Variants in PPP6R3 observed in about 807,000 individuals in gnomAD.
PPP6R3 encodes the protein serine/threonine-protein phosphatase 6 regulatory subunit 3.
A neutral mutation model predicts 110.7 loss-of-function variants in PPP6R3; 38 were observed. That is an observed-to-expected ratio of 0.34 (90% CI 0.26 to 0.45). The LOEUF is 0.45. Among genes scored for constraint, PPP6R3 ranks in the 20% least tolerant of loss-of-function variants. The pLI, the probability that PPP6R3 is intolerant of heterozygous loss-of-function variation, is 1.00. For synonymous variants in PPP6R3, 369 were observed against 373.5 expected (o/e 0.99, Z 0.14); for missense variants, 870 against 1,062.4 (o/e 0.82, Z 2.52).
At chr11:68,543,876 C>T (rs973166853) in intron 3 of PPP6R3, among the ~76,000 whole-genome samples, 15 of 152,154 alleles carry the variant, frequency 9.9e-5, no homozygotes, top group African/African-American at 3.6e-4. Flanking sequence ...AATGGACCTG[C>T]TGCCTGTTTG....
intron 11 of PPP6R3, among the ~76,000 whole-genome samples, chr11:68,570,317 G>GT (rs2099498568): frequency 6.6e-6 from 1 of 152,216 alleles, no homozygotes. Flanking sequence ...TCTTCCTGGG[G>GT]TCTCTTTTTC....
Position 68,548,175 on chromosome 11 carries a change from C to G in PPP6R3, c.523C>G (p.Pro175Ala). Reference sequence around the variant, plus strand: ...GCTCAGGCTCCTGACGTGTATCGAACCTCCACAGCCCAGGCAAGATGTGCT... The same window carrying G: ...GCTCAGGCTCCTGACGTGTATCGAAGCTCCACAGCCCAGGCAAGATGTGCT... ...LLLRLLTCIEPPQPRQDVLNW... is the reference protein window; with the variant it reads ...LLLRLLTCIEAPQPRQDVLNW... Residue 175 changes from proline to alanine, a missense_variant, in exon 5 of 24, where the codon CCT (proline) becomes GCT (alanine). Pro to Ala is a conservative substitution (Grantham distance 27, BLOSUM62 -1). Coordinates refer to ENST00000393800, the MANE Select transcript of PPP6R3 (RefSeq NM_001164161.2). 1.2e-6 allele frequency: 2 copies of G among 1,614,184 alleles called. No individual in the cohort carries two copies. Among genetic ancestry groups the G allele is most frequent in the East Asian group, 2.2e-5 (1 of 44,884 alleles).
At chr11:68,563,235 T>G (rs1473883520) in intron 8 of PPP6R3, among the ~76,000 whole-genome samples, 9 of 152,186 alleles carry the variant, frequency 5.9e-5, no homozygotes. Flanking sequence ...CTCACAGTTC[T>G]GAGTCCTAGA....
At chr11:68,565,937 C>G (rs951267437) in intron 9 of PPP6R3, among the ~76,000 whole-genome samples, 2 of 152,072 alleles carry the variant, frequency 1.3e-5, no homozygotes, top group Admixed American at 6.5e-5. Flanking sequence ...GGATGGGAGC[C>G]AGAGGGAGTG....
chr11:68,606,472 T>C (rs1404397774), intron 22 of PPP6R3, among the ~76,000 whole-genome samples: 1 of 145,040 alleles, frequency 6.9e-6, no homozygotes, highest in Non-Finnish European at 1.5e-5. Context: ...TCAGCAAATT[T>C]ATGTAGTTTT....
intron 1 of PPP6R3, among the ~76,000 whole-genome samples, chr11:68,478,541 G>A (rs948626289): frequency 1.3e-5 from 2 of 150,206 alleles, no homozygotes; most frequent in African/African-American, 4.9e-5. Flanking sequence ...TTACTTTCAA[G>A]CTCTTTTGTG....
At chr11:68,573,114 T>TTATATACATATATA (rs2099514577) in intron 12 of PPP6R3, among the ~76,000 whole-genome samples, 1 of 61,796 alleles carries the variant, frequency 1.6e-5, no homozygotes, top group Non-Finnish European at 2.7e-5. Flanking sequence ...TTTACTTATT[T>TTATATACATATATA]TATATATATA....
rs891777357 is a variant in PPP6R3 at position 68,615,328 on chromosome 11, C to G, written c.*2211C>G. 8.5e-6 allele frequency: 3 copies of G among 353,528 alleles called. No homozygotes were observed. In the Admixed American group the frequency reaches 1.1e-4, roughly 13 times the overall value. The allele number at this position is 353,528 out of a possible 1,614,324, so 21.9% of individuals were successfully genotyped here. On this transcript the variant is annotated 3_prime_UTR_variant, in exon 24 of 24. Coordinates refer to ENST00000393800, the MANE Select transcript of PPP6R3 (RefSeq NM_001164161.2). Reference sequence around the variant, plus strand: ...AAAAATAAAGCCTGATTCTTTGTTTCTAGAAATCTCTTGTACCTTGCTTGG... The same window carrying G: ...AAAAATAAAGCCTGATTCTTTGTTTGTAGAAATCTCTTGTACCTTGCTTGG...
At chr11:68,587,812 T>A in intron 15 of PPP6R3, 115 bp from the exon 16 acceptor site, 1 of 937,286 alleles carries the variant, frequency 1.1e-6, no homozygotes. Flanking sequence ...ACACACCAAC[T>A]TTTATAGCCC....
rs530384849 is a variant in PPP6R3 at position 68,503,829 on chromosome 11, A to G, written c.-157-15672A>G. Among the ~76,000 whole-genome samples the G allele has an allele frequency of 5.3e-5, 8 of 152,366 alleles. No individual in the cohort carries two copies. In the East Asian group the frequency reaches 1.5e-3, roughly 29 times the overall value. On this transcript the variant is annotated intron_variant, in intron 1 of 23. Coordinates refer to ENST00000393800, the MANE Select transcript of PPP6R3 (RefSeq NM_001164161.2). Reference sequence around the variant, plus strand: ...CCCAGTAGAAAAGTAGACAAAGGATATAAACAGACAGTTGGCAGAAAAGTG... The same window carrying G: ...CCCAGTAGAAAAGTAGACAAAGGATGTAAACAGACAGTTGGCAGAAAAGTG...
intron 1 of PPP6R3, among the ~76,000 whole-genome samples, chr11:68,517,037 T>A (rs2153560883): frequency 6.6e-6 from 1 of 152,082 alleles, no homozygotes; most frequent in East Asian, 1.9e-4. Flanking sequence ...TGTTCCTTGG[T>A]ATGGGTCTGT....
At chr11:68,512,508 C>T (rs1007438185) in intron 1 of PPP6R3, among the ~76,000 whole-genome samples, 1 of 152,134 alleles carries the variant, frequency 6.6e-6, no homozygotes, top group Non-Finnish European at 1.5e-5. Flanking sequence ...AGCCAATTAC[C>T]GGGGAAGGGA....
At chr11:68,498,439 A>G (rs1275496762) in intron 1 of PPP6R3, among the ~76,000 whole-genome samples, 1 of 152,216 alleles carries the variant, frequency 6.6e-6, no homozygotes, top group Admixed American at 6.5e-5. Context: ...AAGTACATAC[A>G]ATAAGCAGAT....
chr11:68,575,545 T>G (rs1377284030), intron 13 of PPP6R3, among the ~76,000 whole-genome samples: 1 of 152,196 alleles, frequency 6.6e-6, no homozygotes, highest in Non-Finnish European at 1.5e-5. Flanking sequence ...TTTCTAGACT[T>G]AACTTGACCA....
intron 3 of PPP6R3, among the ~76,000 whole-genome samples, chr11:68,542,411 T>TTTTTTTTTTTTTTTTTTTTA (rs1244450813): frequency 7.0e-6 from 1 of 141,882 alleles, no homozygotes; most frequent in African/African-American, 2.7e-5. Context: ...TTTTTTTTTT[T>TTTTTTTTTTTTTTTTTTTTA]AAGACAGAGT....
intron 7 of PPP6R3, among the ~76,000 whole-genome samples, chr11:68,554,675 A>T (rs981034225): frequency 2.0e-5 from 3 of 152,166 alleles, no homozygotes; most frequent in Non-Finnish European, 2.9e-5. Flanking sequence ...AGGGACAGTT[A>T]TCTCATGTTT....
rs1468107550 is a variant in PPP6R3, at chr11:68,573,153, T to TATATATATATATATATATAA, written c.1344-955_1344-954insTATATATATATATATATAAA. ...ATATATATATATATATATATATATATAATTTTTTTTTTTTTGAGACGGAGT... is the reference window on the plus strand; with the variant it reads ...ATATATATATATATATATATATATATATATATATATATATATATAAAATTTTTTTTTTTTTGAGACGGAGT... On this transcript the variant is annotated intron_variant, in intron 12 of 23. Coordinates refer to ENST00000393800, the MANE Select transcript of PPP6R3 (RefSeq NM_001164161.2). Among the ~76,000 whole-genome samples the TATATATATATATATATATAA allele has an allele frequency of 3.9e-5, 4 of 103,622 alleles. 1 individual carries two copies. The highest frequency in any genetic ancestry group is 1.5e-4 in the African/African-American group (4 of 26,082). 68.0% of individuals were successfully genotyped at this position (103,622 alleles called of 152,430 possible).
intron 1 of PPP6R3, among the ~76,000 whole-genome samples, chr11:68,493,687 G>C (rs2098997980): frequency 6.7e-6 from 1 of 149,902 alleles, no homozygotes; most frequent in Admixed American, 6.7e-5. Flanking sequence ...GAGTAGAGAT[G>C]CCCAGGGTGG....
chr11:68,501,250 C>G (rs1222819513), intron 1 of PPP6R3, among the ~76,000 whole-genome samples: 1 of 152,130 alleles, frequency 6.6e-6, no homozygotes, highest in African/African-American at 2.4e-5. Context: ...TCTTTCTTTT[C>G]TAACAGAAAC....
Sources: allele counts gnomAD v4.1 joint callset (sites outside exome capture counted in the v4.1 genomes callset), GRCh38; gene constraint gnomAD v4.1.1; transcripts MANE v1.5; gene names NCBI Gene and HGNC (gene_info 2026-07-23, HGNC 2026-07-21).